The following SEL1L3 variants were observed in gnomAD, a reference collection of about 807,000 sequenced individuals.
SEL1L3 encodes SEL1L family member 3.
A neutral mutation model predicts 142.8 loss-of-function variants in SEL1L3; 76 were observed. That is an observed-to-expected ratio of 0.53 (90% CI 0.44 to 0.64). The LOEUF (loss-of-function observed/expected upper bound fraction) is 0.64, where lower values mean the gene tolerates loss of function less well. Among genes scored for constraint, SEL1L3 ranks in the 30% least tolerant of loss-of-function variants. SEL1L3 has a pLI of 0.00. For synonymous variants in SEL1L3, 504 were observed against 519.6 expected (o/e 0.97, Z 0.41); for missense variants, 1,262 against 1,381.7 (o/e 0.91, Z 1.37).
the SEL1L3 span, among the ~76,000 whole-genome samples, chr4:25,728,795 C>T: frequency 1.3e-5 from 2 of 151,142 alleles, no homozygotes; most frequent in Non-Finnish European, 2.9e-5. Flanking sequence ...ATTGCTTGAG[C>T]CCGGGAGGCA....
intron 10 of SEL1L3, among the ~76,000 whole-genome samples, chr4:25,803,814 C>T (rs2109223339): frequency 6.6e-6 from 1 of 151,556 alleles, no homozygotes; most frequent in African/African-American, 2.4e-5. Flanking sequence ...GGTTTTTTTC[C>T]TGCCCTTGGA....
At chr4:25,809,097 G>A (rs1025891543) in intron 9 of SEL1L3, among the ~76,000 whole-genome samples, 1 of 147,400 alleles carries the variant, frequency 6.8e-6, no homozygotes, top group African/African-American at 2.5e-5. Context: ...AAGCCTATTT[G>A]TATCTTTCTA....
chr4:25,776,962 C>T (rs552709047), intron 16 of SEL1L3, among the ~76,000 whole-genome samples: 1 of 151,340 alleles, frequency 6.6e-6, no homozygotes, highest in African/African-American at 2.4e-5. Flanking sequence ...TAAAACCAAA[C>T]ATATCCATAA....
At chr4:25,830,559 G>A (rs1233317722) in intron 5 of SEL1L3, among the ~76,000 whole-genome samples, 1 of 152,190 alleles carries the variant, frequency 6.6e-6, no homozygotes, top group Non-Finnish European at 1.5e-5. Context: ...GGTGTTGTAT[G>A]TTCTTCACAC....
intron 16 of SEL1L3, 145 bp from the exon 17 acceptor site, chr4:25,776,505 A>G: frequency 1.7e-6 from 1 of 597,258 alleles, no homozygotes; most frequent in Non-Finnish European, 3.0e-6. Flanking sequence ...ACTGAATGTT[A>G]AGGTAAAGAA....
At chr4:25,754,451 C>T (rs1008758874) in intron 23 of SEL1L3, among the ~76,000 whole-genome samples, 30 of 151,040 alleles carry the variant, frequency 2.0e-4, no homozygotes, top group African/African-American at 5.8e-4. Context: ...GGGGTTCAAG[C>T]GATTCTCATG....
At chr4:25,852,051 C>A (rs1476532905) in intron 1 of SEL1L3, among the ~76,000 whole-genome samples, 1 of 152,016 alleles carries the variant, frequency 6.6e-6, no homozygotes, top group African/African-American at 2.4e-5. Context: ...GCCACCCCCC[C>A]CAGGAGAGGT....
chr4:25,749,992 G>A (rs563525653), intron 23 of SEL1L3, among the ~76,000 whole-genome samples: 2 of 152,074 alleles, frequency 1.3e-5, no homozygotes, highest in South Asian at 2.1e-4. Flanking sequence ...CCAGCACTTC[G>A]GGAGGCCCGG....
In SEL1L3 at chr4:25,809,959, T is replaced by C. The variant is rs574373894; in HGVS notation, c.1565-5207A>G. On this transcript the variant is annotated intron_variant, in intron 9 of 23. Coordinates refer to ENST00000399878, the MANE Select transcript of SEL1L3 (RefSeq NM_015187.5). ...AGTCAAAAGCAAGGTAGAGCTTCGCTAGTGCAGCCAGTCACTCCTTGGCGT... is the reference window on the plus strand; with the variant it reads ...AGTCAAAAGCAAGGTAGAGCTTCGCCAGTGCAGCCAGTCACTCCTTGGCGT... Among the ~76,000 whole-genome samples the C allele has an allele frequency of 1.5e-4, 23 of 152,342 alleles. No individual in the cohort carries two copies. The South Asian group carries it at 4.8e-3, about 32-fold the overall frequency.
chr4:25,856,593 T>TAAAAAAA (rs397765802), intron 1 of SEL1L3, among the ~76,000 whole-genome samples: 4 of 117,118 alleles, frequency 3.4e-5, no homozygotes, highest in Non-Finnish European at 5.7e-5. Flanking sequence ...GTATTGTAAT[T>TAAAAAAA]AAAAAAAAAA....
chr4:25,758,674 CTT>C (rs200110152), intron 21 of SEL1L3, among the ~76,000 whole-genome samples: 7,634 of 141,276 alleles, frequency 0.054, 200 homozygotes, highest in East Asian at 0.081. Context: ...TCTTTTCTTT[CTT>C]TTTTTTTTTT....
At chr4:25,734,503 A>G in the SEL1L3 span, among the ~76,000 whole-genome samples, 20 of 152,342 alleles carry the variant, frequency 1.3e-4, no homozygotes, top group East Asian at 1.9e-4. Flanking sequence ...GATAAACTAC[A>G]CTAGATCATA....
downstream of SEL1L3, among the ~76,000 whole-genome samples, chr4:25,744,346 G>GTTTTTTTTTTTTTT (rs1560268280): frequency 1.3e-4 from 9 of 66,828 alleles, no homozygotes; most frequent in Non-Finnish European, 1.8e-4. Flanking sequence ...ATATGTGTGA[G>GTTTTTTTTTTTTTT]TCTTTTTTTT....
the SEL1L3 span, among the ~76,000 whole-genome samples, chr4:25,741,993 G>A: frequency 6.6e-6 from 1 of 151,574 alleles, no homozygotes; most frequent in African/African-American, 2.4e-5. Context: ...TGTAGTTTTA[G>A]TAGAGATGGG....
the SEL1L3 span, among the ~76,000 whole-genome samples, chr4:25,735,449 T>C: frequency 6.6e-6 from 1 of 151,576 alleles, no homozygotes; most frequent in South Asian, 2.1e-4. Context: ...AAAATCAATG[T>C]TACTGATTTT....
Position 25,765,440 on chromosome 4 carries a change from A to T in SEL1L3, c.2846-5T>A. 1 of 1,571,570 alleles carries T rather than the reference A, an allele frequency of 6.4e-7. No individual in the cohort carries two copies. Among genetic ancestry groups the T allele is most frequent in the South Asian group, 1.1e-5 (1 of 90,114 alleles). The stretch of plus-strand genomic sequence containing the variant: ...GGTCTCCCATCTTCAAATATGCTGC[A>T]GGAAATAAAGCACAGATCCATTTGT... On this transcript the variant is annotated splice_polypyrimidine_tract_variant and splice_region_variant and intron_variant, in intron 19 of 23. Coordinates refer to ENST00000399878, the MANE Select transcript of SEL1L3 (RefSeq NM_015187.5).
At chr4:25,777,511 G>T in intron 16 of SEL1L3, 1 of 233,314 alleles carries the variant, frequency 4.3e-6, no homozygotes, top group Non-Finnish European at 8.6e-6. Flanking sequence ...TATATATGTA[G>T]ATGTTGATCC....
Position 25,788,225 on chromosome 4 carries a change from T to G in SEL1L3, c.2216A>C (p.Lys739Thr). 1 of 1,613,470 alleles carries G rather than the reference T, an allele frequency of 6.2e-7. No individual in the cohort carries two copies. Among genetic ancestry groups the G allele is most frequent in the Non-Finnish European group, 8.5e-7 (1 of 1,179,764 alleles). The stretch of plus-strand genomic sequence containing the variant: ...CAGCACGAATTAAGTGATTCTTACC[T>G]TGAATAGCACAATGGCATAGTCATA... ...LIYDYAIVLF[K>T]GQGVKKNRRL... is the part of the protein sequence containing the mutation. The change falls in exon 13 of 24, where the codon AAG (lysine) becomes ACG (threonine). Residue 739 changes from lysine to threonine, a missense_variant and splice_region_variant. Physicochemically the swap from Lys to Thr is moderately conservative, Grantham distance 78 (BLOSUM62 -1). Transcript: ENST00000399878. This position sits in a 1 kb window ranked among gnomAD's most constrained non-coding sequence, Gnocchi z 5.3.
intron 11 of SEL1L3, among the ~76,000 whole-genome samples, chr4:25,796,474 T>A (rs1256100357): frequency 6.6e-6 from 1 of 151,952 alleles, no homozygotes; most frequent in East Asian, 1.9e-4. Flanking sequence ...TGTAAAATTT[T>A]AAAAAATAAA....
Sources: gnomAD v4.1 joint callset for allele counts (sites outside exome capture counted in the v4.1 genomes callset) on GRCh38, gnomAD v4.1.1 for gene constraint, Gnocchi (gnomAD v3.1) non-coding constraint, MANE v1.5 for transcripts, NCBI Gene and HGNC (gene_info 2026-07-23, HGNC 2026-07-21) for gene names.